The following CDK6 variants were observed in gnomAD, a reference collection of about 807,000 sequenced individuals.
CDK6 encodes cyclin-dependent kinase 6.
A neutral mutation model predicts 37.1 loss-of-function variants in CDK6; 6 were observed. That is an observed-to-expected ratio of 0.16 (90% CI 0.09 to 0.32). The LOEUF is 0.32. CDK6 is among the 10% of genes least tolerant of loss of function. CDK6 has a pLI of 1.00. For synonymous variants in CDK6, 160 were observed against 161.3 expected, an observed-to-expected ratio of 0.99 and a Z score of 0.06; for missense variants, 224 against 418.9, an observed-to-expected ratio of 0.53 and a Z score of 4.06.
intron 2 of CDK6, among the ~76,000 whole-genome samples, chr7:92,827,282 C>G (rs1801348849): frequency 6.6e-6 from 1 of 152,028 alleles, no homozygotes; most frequent in Admixed American, 6.6e-5. Flanking sequence ...TTAGGAAGGC[C>G]AGAGAATAGG....
intron 5 of CDK6, among the ~76,000 whole-genome samples, chr7:92,643,197 T>A (rs1337785332): frequency 6.6e-6 from 1 of 152,064 alleles, no homozygotes; most frequent in African/African-American, 2.4e-5. Flanking sequence ...AAATCCCGGG[T>A]TTTAAAAAAT....
chr7:92,732,413 G>T (rs559748352), intron 3 of CDK6, among the ~76,000 whole-genome samples: 3 of 149,686 alleles, frequency 2.0e-5, no homozygotes, highest in Non-Finnish European at 4.4e-5. Context: ...CTCAAAAACA[G>T]AAGAAGAAAT....
At chr7:92,637,149 A>C (rs1168496366) in intron 5 of CDK6, among the ~76,000 whole-genome samples, 1 of 152,236 alleles carries the variant, frequency 6.6e-6, no homozygotes, top group Non-Finnish European at 1.5e-5. Flanking sequence ...ACTGTACTTA[A>C]GACTATGTGG....
At chr7:92,696,872 C>T (rs1797733142) in intron 4 of CDK6, among the ~76,000 whole-genome samples, 1 of 152,074 alleles carries the variant, frequency 6.6e-6, no homozygotes, top group African/African-American at 2.4e-5. Flanking sequence ...AAATGAAAAG[C>T]AACATACACC....
chr7:92,655,215 C>T (rs1796668393), intron 5 of CDK6, among the ~76,000 whole-genome samples: 1 of 152,036 alleles, frequency 6.6e-6, no homozygotes, highest in South Asian at 2.1e-4. Flanking sequence ...AATTATTTCA[C>T]TGCCAGTCTT....
chr7:92,725,274 T>C (rs1227000562), intron 4 of CDK6: 2 of 985,342 alleles, frequency 2.0e-6, no homozygotes, highest in African/African-American at 1.7e-5. Flanking sequence ...GCTCGTGCTC[T>C]TTCTTCCCTG....
chr7:92,673,778 C>T (rs1354874879), intron 4 of CDK6, among the ~76,000 whole-genome samples: 1 of 146,698 alleles, frequency 6.8e-6, no homozygotes, highest in Non-Finnish European at 1.5e-5. Flanking sequence ...TTGTTCCTTC[C>T]TTTTTTTTTT....
At chr7:92,753,022 T>C (rs1799222050) in intron 3 of CDK6, among the ~76,000 whole-genome samples, 1 of 152,118 alleles carries the variant, frequency 6.6e-6, no homozygotes, top group African/African-American at 2.4e-5. Context: ...TCTCTATATT[T>C]TCATATTTAA....
intron 2 of CDK6, among the ~76,000 whole-genome samples, chr7:92,792,868 C>T (rs1800317483): frequency 6.6e-6 from 1 of 151,896 alleles, no homozygotes; most frequent in South Asian, 2.1e-4. Context: ...GGGAAGTTAT[C>T]AGCCTCCAGA....
At chr7:92,811,683 T>C (rs560494991) in intron 2 of CDK6, among the ~76,000 whole-genome samples, 2 of 152,090 alleles carry the variant, frequency 1.3e-5, no homozygotes, top group East Asian at 3.9e-4. Flanking sequence ...TAGGCAGACT[T>C]GAGAGATTCC....
At chr7:92,706,328 A>C (rs1361233288) in intron 4 of CDK6, among the ~76,000 whole-genome samples, 1 of 152,202 alleles carries the variant, frequency 6.6e-6, no homozygotes, top group African/African-American at 2.4e-5. Flanking sequence ...TGAGCCCAGG[A>C]GGCTGAGACT....
At chr7:92,801,659 T>C (rs1261443638) in intron 2 of CDK6, among the ~76,000 whole-genome samples, 1 of 150,544 alleles carries the variant, frequency 6.6e-6, no homozygotes, top group Admixed American at 6.6e-5. Context: ...CTTTCTCTCT[T>C]TCTTTCTTTT....
At chr7:92,781,684 T>C (rs1273694984) in intron 2 of CDK6, among the ~76,000 whole-genome samples, 1 of 152,222 alleles carries the variant, frequency 6.6e-6, no homozygotes, top group Non-Finnish European at 1.5e-5. Flanking sequence ...CGGTCACTTT[T>C]TTTTCCCCCA....
chr7:92,769,594 T>C (rs1799662211), intron 3 of CDK6, among the ~76,000 whole-genome samples: 1 of 152,218 alleles, frequency 6.6e-6, no homozygotes, highest in Non-Finnish European at 1.5e-5. Flanking sequence ...CCAGGTCATA[T>C]CCTAGGAAAG....
intron 4 of CDK6, chr7:92,725,286 C>G: frequency 1.0e-6 from 1 of 985,414 alleles, no homozygotes; most frequent in Non-Finnish European, 1.2e-6. Flanking sequence ...TCTTCCCTGA[C>G]CTTGAGCTGT....
rs977108807 is a variant in CDK6, at chr7:92,605,042, GT to G, written c.*10097del. ...CTCCAGAAAGCAGTTTAAAGTTATT[GT>G]TTTTATTATTTTTATTTGCTACCAA... On this transcript the variant is annotated 3_prime_UTR_variant, in exon 8 of 8. Coordinates refer to ENST00000424848, the MANE Select transcript of CDK6 (RefSeq NM_001145306.2). 8.7e-6 allele frequency: 2 copies of G among 230,514 alleles called. No individual in the cohort carries two copies. The highest frequency in any genetic ancestry group is 3.6e-4 in the South Asian group (2 of 5,504). 14.3% of individuals were successfully genotyped at this position (230,514 alleles called of 1,614,324 possible). A position where few individuals can be genotyped will look rare whatever the true frequency, so the allele number is the denominator to read the frequency against.
At chr7:92,785,128 A>C (rs976867053) in intron 2 of CDK6, among the ~76,000 whole-genome samples, 1 of 152,232 alleles carries the variant, frequency 6.6e-6, no homozygotes, top group African/African-American at 2.4e-5. Flanking sequence ...AACTGTAAAT[A>C]ACCCAAATGT....
At chr7:92,664,722 T>C (rs774618994) in intron 5 of CDK6, among the ~76,000 whole-genome samples, 1 of 152,182 alleles carries the variant, frequency 6.6e-6, no homozygotes, top group Non-Finnish European at 1.5e-5. Flanking sequence ...TCAGAACTTC[T>C]AAGAATTACT....
At chr7:92,786,472 A>T (rs1350735515) in intron 2 of CDK6, among the ~76,000 whole-genome samples, 2 of 152,174 alleles carry the variant, frequency 1.3e-5, no homozygotes, top group Non-Finnish European at 2.9e-5. Context: ...TGAAAACCTC[A>T]GTGAAACACT....
Sources: gnomAD v4.1 joint callset for allele counts (sites outside exome capture counted in the v4.1 genomes callset) on GRCh38, gnomAD v4.1.1 for gene constraint, MANE v1.5 for transcripts, NCBI Gene and HGNC (gene_info 2026-07-23, HGNC 2026-07-21) for gene names.